The following MARCHF1 variants were observed in gnomAD, a reference collection of about 807,000 sequenced individuals.
MARCHF1 encodes membrane associated ring-CH-type finger 1.
MARCHF1 carries 40 observed loss-of-function variants against 54.2 expected under a neutral mutation model. The observed-to-expected ratio is 0.74, with a 90% confidence interval of 0.57 to 0.96. The LOEUF (loss-of-function observed/expected upper bound fraction) is 0.96, where lower values mean the gene tolerates loss of function less well. MARCHF1 is among the 40% of genes least tolerant of loss of function. The pLI is 0.00. For synonymous variants in MARCHF1, 236 were observed against 236.3 expected (o/e 1.00, Z 0.01); for missense variants, 586 against 656.5 (o/e 0.89, Z 1.17).
chr4:163,601,590 T>G (rs1055462993), intron 7 of MARCHF1, among the ~76,000 whole-genome samples: 4 of 152,084 alleles, frequency 2.6e-5, no homozygotes, highest in African/African-American at 9.7e-5. Context: ...GATTGGATAT[T>G]CAACAAACTA....
At chr4:164,036,237 C>A (rs1400279304) in intron 2 of MARCHF1, among the ~76,000 whole-genome samples, 3 of 151,916 alleles carry the variant, frequency 2.0e-5, no homozygotes, top group African/African-American at 7.2e-5. Flanking sequence ...GGAGTGTAGT[C>A]ATCTACCTCA....
chr4:164,054,315 A>C (rs1289738857), intron 2 of MARCHF1, among the ~76,000 whole-genome samples: 23 of 152,022 alleles, frequency 1.5e-4, no homozygotes, highest in Non-Finnish European at 2.1e-4. Context: ...GAACACTTTG[A>C]CACTGTTGGT....
chr4:163,611,067 T>C (rs938870493), intron 7 of MARCHF1, among the ~76,000 whole-genome samples: 2 of 152,072 alleles, frequency 1.3e-5, no homozygotes, highest in South Asian at 2.1e-4. Context: ...CTTTCATAGT[T>C]CTTATCATAA....
At chr4:164,182,895 A>G (rs1050809032) in intron 1 of MARCHF1, among the ~76,000 whole-genome samples, 35 of 152,062 alleles carry the variant, frequency 2.3e-4, no homozygotes, top group African/African-American at 8.0e-4. Flanking sequence ...TTCTTATTTT[A>G]AAGAAAAACC....
chr4:163,638,445 A>G lies in MARCHF1; in HGVS notation c.163-25052T>C, dbSNP rs1742430366. On this transcript the variant is annotated intron_variant, in intron 5 of 9. Transcript: ENST00000514618. The stretch of plus-strand genomic sequence containing the variant: ...TCTCTCTCTTGCTCCAGCTCTCACC[A>G]TGTGAGTACTAACGCCTGCTTTGCC... Among the ~76,000 whole-genome samples, 4 of 152,038 alleles carry G rather than the reference A, an allele frequency of 2.6e-5. No homozygotes were observed. In the South Asian group the frequency reaches 8.3e-4, roughly 32 times the overall value.
At chr4:164,184,418 A>G (rs1730912759) in intron 1 of MARCHF1, among the ~76,000 whole-genome samples, 1 of 152,188 alleles carries the variant, frequency 6.6e-6, no homozygotes, top group Non-Finnish European at 1.5e-5. Flanking sequence ...TTTAGCTTCC[A>G]CATTGAAGAG....
At chr4:164,085,765 T>C (rs1382364915) in intron 2 of MARCHF1, among the ~76,000 whole-genome samples, 1 of 151,880 alleles carries the variant, frequency 6.6e-6, no homozygotes, top group Non-Finnish European at 1.5e-5. Flanking sequence ...TCACAATATG[T>C]GTGCAACAAT....
At chr4:163,836,910 C>G (rs1294844968) in intron 4 of MARCHF1, among the ~76,000 whole-genome samples, 1 of 151,768 alleles carries the variant, frequency 6.6e-6, no homozygotes, top group Non-Finnish European at 1.5e-5. Context: ...TTTTAAGTGA[C>G]CAAGTTGAAG....
At chr4:164,268,945 C>T (rs1733676729) in intron 1 of MARCHF1, among the ~76,000 whole-genome samples, 1 of 152,144 alleles carries the variant, frequency 6.6e-6, no homozygotes, top group African/African-American at 2.4e-5. Context: ...GGTCAGAATT[C>T]TGAGAAGCTT....
intron 1 of MARCHF1, among the ~76,000 whole-genome samples, chr4:164,294,554 T>G (rs781370926): frequency 6.6e-6 from 1 of 152,184 alleles, no homozygotes; most frequent in Non-Finnish European, 1.5e-5. Context: ...TACATTTCTC[T>G]CTTTCACTCG....
intron 5 of MARCHF1, among the ~76,000 whole-genome samples, chr4:163,617,722 C>A (rs1407524230): frequency 6.6e-6 from 1 of 152,004 alleles, no homozygotes; most frequent in Non-Finnish European, 1.5e-5. Context: ...ATATAGCAGG[C>A]ACTGAGTAAA....
chr4:163,992,743 T>C (rs1752991742), intron 2 of MARCHF1, among the ~76,000 whole-genome samples: 2 of 149,244 alleles, frequency 1.3e-5, no homozygotes. Context: ...ATTTTATTAA[T>C]TATAAAATAT....
intron 1 of MARCHF1, among the ~76,000 whole-genome samples, chr4:164,377,682 C>A (rs868384507): frequency 1.3e-5 from 2 of 151,866 alleles, no homozygotes; most frequent in South Asian, 2.1e-4. Flanking sequence ...AAAGTTTTAC[C>A]AATTTATTAT....
chr4:163,948,888 G>A (rs1752075061), intron 3 of MARCHF1, among the ~76,000 whole-genome samples: 1 of 152,206 alleles, frequency 6.6e-6, no homozygotes, highest in Admixed American at 6.5e-5. Flanking sequence ...GGGTGAGAAA[G>A]CCACAAATTA....
chr4:163,602,825 G>T (rs1301284758), intron 7 of MARCHF1, among the ~76,000 whole-genome samples: 1 of 151,924 alleles, frequency 6.6e-6, no homozygotes, highest in Non-Finnish European at 1.5e-5. Context: ...AAAAATAATA[G>T]GGAGAAGTAA....
chr4:164,212,423 T>C (rs957016895), intron 1 of MARCHF1, among the ~76,000 whole-genome samples: 1 of 152,106 alleles, frequency 6.6e-6, no homozygotes, highest in Non-Finnish European at 1.5e-5. Flanking sequence ...GGCTCTGAAT[T>C]ATTTAAAGAC....
chr4:164,208,191 G>A (rs71616622), intron 1 of MARCHF1, among the ~76,000 whole-genome samples: 1 of 152,156 alleles, frequency 6.6e-6, no homozygotes, highest in Non-Finnish European at 1.5e-5. Context: ...GAGAGGCAGG[G>A]AGGGGCCCAG....
At chr4:163,921,850 C>T (rs184585278) in intron 3 of MARCHF1, among the ~76,000 whole-genome samples, 1 of 151,980 alleles carries the variant, frequency 6.6e-6, no homozygotes, top group Non-Finnish European at 1.5e-5. Context: ...GTATTTTGTA[C>T]CTCTATACAG....
intron 1 of MARCHF1, among the ~76,000 whole-genome samples, chr4:164,338,165 T>C (rs982515701): frequency 2.2e-4 from 33 of 152,114 alleles, no homozygotes; most frequent in Admixed American, 7.2e-4. Flanking sequence ...GCAATTAAAA[T>C]TCTGTTATCA....
Sources: allele counts gnomAD v4.1 joint callset (sites outside exome capture counted in the v4.1 genomes callset), GRCh38; gene constraint gnomAD v4.1.1; transcripts MANE v1.5; gene names NCBI Gene and HGNC (gene_info 2026-07-23, HGNC 2026-07-21).